The following ATXN7 variants were observed in gnomAD, a reference collection of about 807,000 sequenced individuals.
ATXN7 encodes ataxin-7.
ATXN7 carries 12 observed loss-of-function variants against 70.5 expected under a neutral mutation model. The ratio of observed to expected loss-of-function variants is 0.17; its 90% CI spans 0.11 to 0.28. ATXN7 has a LOEUF of 0.28. ATXN7 is among the 10% of genes least tolerant of loss of function. ATXN7 has a pLI of 1.00. For synonymous variants in ATXN7, 498 were observed against 448.7 expected (o/e 1.11, Z -1.39); for missense variants, 1,256 against 1,131.7 (o/e 1.11, Z -1.58).
chr3:63,999,334 A>T, intron 12 of ATXN7, 116 bp from the exon 13 acceptor site: 1 of 840,532 alleles, frequency 1.2e-6, no homozygotes, highest in Non-Finnish European at 2.0e-6. Flanking sequence ...CACTCAGTCA[A>T]TGGAGACTTT....
chr3:63,944,375 G>A (rs1437643560), intron 4 of ATXN7, among the ~76,000 whole-genome samples: 1 of 151,890 alleles, frequency 6.6e-6, no homozygotes. Flanking sequence ...TGTGCTTTGG[G>A]GCCATTATTA....
chr3:63,962,411 T>G (rs901073222), intron 5 of ATXN7, among the ~76,000 whole-genome samples: 6 of 151,880 alleles, frequency 4.0e-5, no homozygotes, highest in East Asian at 1.9e-4. Flanking sequence ...AGAACTTCTG[T>G]TTTGTTTTTT....
intron 4 of ATXN7, among the ~76,000 whole-genome samples, chr3:63,942,781 A>G (rs1407418770): frequency 2.0e-5 from 3 of 152,202 alleles, no homozygotes; most frequent in Non-Finnish European, 4.4e-5. Flanking sequence ...CACAGTTACA[A>G]AAGTTTTATG....
At chr3:63,883,860 A>AT (rs1007322403) in intron 1 of ATXN7, among the ~76,000 whole-genome samples, 11 of 151,996 alleles carry the variant, frequency 7.2e-5, no homozygotes, top group Admixed American at 4.6e-4. Flanking sequence ...AAAAAAAAAT[A>AT]TTTTTTTCTC....
Position 63,990,833 on chromosome 3 carries a change from G to A in ATXN7, c.1656G>A (p.Glu552=), listed in dbSNP as rs1036346499. ...GCTGCGCCCTCAACCTCATGGTGGA[G>A]AAGCATCTGAATGCACAGCTATGGA... ...RLRCALNLMV[E]KHLNAQLWKK... The change falls in exon 11 of 13, where the codon GAG becomes GAA. Residue 552 remains glutamate (E), a synonymous_variant. Transcript: ENST00000674280. 1.2e-6 allele frequency: 2 copies of A among 1,614,220 alleles called. No homozygotes were observed. Among genetic ancestry groups the A allele is most frequent in the Non-Finnish European group, 1.7e-6 (2 of 1,180,044 alleles).
chr3:63,953,839 G>C (rs975042727), intron 5 of ATXN7, among the ~76,000 whole-genome samples: 1 of 151,868 alleles, frequency 6.6e-6, no homozygotes, highest in Non-Finnish European at 1.5e-5. Context: ...GTAGAGACAG[G>C]GTTTCACCAT....
chr3:63,934,321 A>G (rs1163742512), intron 4 of ATXN7, among the ~76,000 whole-genome samples: 3 of 152,110 alleles, frequency 2.0e-5, no homozygotes, highest in African/African-American at 7.2e-5. Context: ...TCTGGGAAGA[A>G]GATTCACAGA....
chr3:63,863,728 G>T, upstream of ATXN7: 1 of 1,249,240 alleles, frequency 8.0e-7, no homozygotes, highest in Non-Finnish European at 1.0e-6. Context: ...GGGAGGCCCA[G>T]CGGGCCGTGC....
chr3:63,916,127 A>G (rs1704257409), intron 4 of ATXN7, among the ~76,000 whole-genome samples: 1 of 152,192 alleles, frequency 6.6e-6, no homozygotes, highest in African/African-American at 2.4e-5. Context: ...ATCTTTCTGA[A>G]TATACTTTCC....
At chr3:63,876,408 G>A (rs990513192) in intron 1 of ATXN7, among the ~76,000 whole-genome samples, 2 of 152,068 alleles carry the variant, frequency 1.3e-5, no homozygotes, top group South Asian at 2.1e-4. Context: ...TTTGCAGATC[G>A]AAGTTAGAAA....
At chr3:63,937,299 G>A (rs1027488731) in intron 4 of ATXN7, among the ~76,000 whole-genome samples, 4 of 152,204 alleles carry the variant, frequency 2.6e-5, no homozygotes, top group Non-Finnish European at 4.4e-5. Context: ...CCATTTATTA[G>A]CGCATAAAGT....
intron 1 of ATXN7, among the ~76,000 whole-genome samples, chr3:63,872,105 T>C (rs1702612158): frequency 6.6e-6 from 1 of 152,210 alleles, no homozygotes; most frequent in Admixed American, 6.5e-5. Flanking sequence ...TTAGCAACAT[T>C]GATCTAGCCT....
At chr3:63,920,948 T>G (rs553165055) in intron 4 of ATXN7, among the ~76,000 whole-genome samples, 1 of 152,320 alleles carries the variant, frequency 6.6e-6, no homozygotes, top group South Asian at 2.1e-4. Flanking sequence ...TAAAGTATTT[T>G]TTGATTGAAG....
chr3:63,886,193 A>G (rs1442893005), intron 1 of ATXN7, among the ~76,000 whole-genome samples: 2 of 152,190 alleles, frequency 1.3e-5, no homozygotes, highest in Non-Finnish European at 2.9e-5. Context: ...TGTGGAATCT[A>G]AAAACATTGA....
chr3:63,986,837 T>C (rs2075585608), intron 8 of ATXN7, among the ~76,000 whole-genome samples: 1 of 152,350 alleles, frequency 6.6e-6, no homozygotes, highest in South Asian at 2.1e-4. Context: ...TTTAAGTCCC[T>C]AAAGTTGTAC....
intron 1 of ATXN7, among the ~76,000 whole-genome samples, chr3:63,895,740 T>C (rs1703421890): frequency 6.6e-6 from 1 of 152,004 alleles, no homozygotes; most frequent in Non-Finnish European, 1.5e-5. Flanking sequence ...TCCTTTTCTC[T>C]CTCTCTCTCT....
At chr3:63,993,984 C>T (rs2075713836) in intron 11 of ATXN7, among the ~76,000 whole-genome samples, 3 of 152,166 alleles carry the variant, frequency 2.0e-5, no homozygotes, top group Admixed American at 6.5e-5. Context: ...AATGACACTG[C>T]CTGCCACCCT....
chr3:63,932,359 A>C (rs2074563458), intron 4 of ATXN7, among the ~76,000 whole-genome samples: 1 of 152,206 alleles, frequency 6.6e-6, no homozygotes, highest in African/African-American at 2.4e-5. Context: ...TGTCATAGTA[A>C]TACCACATAG....
chr3:63,976,893 A>G (rs2075397946), intron 5 of ATXN7, among the ~76,000 whole-genome samples: 1 of 152,238 alleles, frequency 6.6e-6, no homozygotes, highest in African/African-American at 2.4e-5. Context: ...TACAAATGTT[A>G]AATGGTAAAA....
Sources: gnomAD v4.1 joint callset for allele counts (sites outside exome capture counted in the v4.1 genomes callset) on GRCh38, gnomAD v4.1.1 for gene constraint, MANE v1.5 for transcripts, NCBI Gene and HGNC (gene_info 2026-07-23, HGNC 2026-07-21) for gene names.